CIITA: variants seen among roughly 807,000 people sequenced by gnomAD.
The protein encoded by CIITA is class II major histocompatibility complex transactivator, also known as MHC class II transactivator.
CIITA carries 72 observed loss-of-function variants against 115.1 expected under a neutral mutation model. The observed-to-expected ratio is 0.63, with a 90% CI of 0.52 to 0.76. The LOEUF (loss-of-function observed/expected upper bound fraction) is 0.76, where lower values mean the gene tolerates loss of function less well. Among genes scored for constraint, CIITA ranks in the 30% least tolerant of loss-of-function variants. CIITA has a pLI of 0.00. For missense variants in CIITA, 1,617 were observed against 1,463.8 expected, an observed-to-expected ratio of 1.10 and a Z score of -1.71; for synonymous variants, 763 against 635.6, an observed-to-expected ratio of 1.20 and a Z score of -3.02.
chr16:10,907,758 C>T lies in CIITA; in HGVS notation c.2266C>T (p.Arg756Cys), dbSNP rs745911038. 8.1e-6 allele frequency: 13 copies of T among 1,614,138 alleles called. No homozygotes were observed. Among genetic ancestry groups the T allele is most frequent in the African/African-American group, 1.3e-5 (1 of 74,950 alleles). ...TGACAACTGGCTGGAGGGCGTGCCACGCTTTCTGGCTGGGCTGATCTTCCA... is the reference window on the plus strand; with the variant it reads ...TGACAACTGGCTGGAGGGCGTGCCATGCTTTCTGGCTGGGCTGATCTTCCA... ...PYDNWLEGVPRFLAGLIFQPP... is the reference protein window; with the variant it reads ...PYDNWLEGVPCFLAGLIFQPP... The change falls in exon 11 of 20, where the codon CGC becomes TGC. Residue 756 changes from arginine (R) to cysteine (C), a missense_variant. Arg to Cys is a radical substitution (Grantham distance 180). Transcript: ENST00000324288. The surrounding 1 kb of genome is among the most constrained non-coding windows in gnomAD (Gnocchi z 5.0).
rs750837573 is a variant in CIITA at position 10,904,806 on chromosome 16, T to C, written c.1000T>C (p.Trp334Arg). The C allele has an allele frequency of 6.2e-7, 1 of 1,614,154 alleles. No individual in the cohort carries two copies. Among genetic ancestry groups the C allele is most frequent in the Non-Finnish European group, 8.5e-7 (1 of 1,179,994 alleles). Reference sequence around the variant, plus strand: ...AGAGGTCTCCAACAAGCTTCCAAAATGGCCTGGTGAGTGATGCGGGATCTC... The same window carrying C: ...AGAGGTCTCCAACAAGCTTCCAAAACGGCCTGGTGAGTGATGCGGGATCTC... ...AGEVSNKLPKWPEPVEQFYRS... is the reference protein window; with the variant it reads ...AGEVSNKLPKRPEPVEQFYRS... The change falls in exon 10 of 20, where the codon TGG (tryptophan) becomes CGG (arginine). Residue 334 changes from tryptophan (W) to arginine (R), a missense_variant. By Grantham distance (101) the Trp-to-Arg change is moderately radical (BLOSUM62 -3). Coordinates refer to ENST00000324288, the MANE Select transcript of CIITA (RefSeq NM_000246.4).
At position 10,901,593 on chromosome 16, in the gene CIITA, T is replaced by C. The variant is rs1371606031; in HGVS notation, c.481+35T>C. Reference sequence around the variant, plus strand: ...GCAGGTGGGCTGGGGTTGGGAAGGGTGGATGCCTTGGGGAGGGGATGGAAG... The same window carrying C: ...GCAGGTGGGCTGGGGTTGGGAAGGGCGGATGCCTTGGGGAGGGGATGGAAG... On this transcript the variant is annotated intron_variant, in intron 6 of 19. Transcript: ENST00000324288. The surrounding 1 kb of genome is among the most constrained non-coding windows in gnomAD (Gnocchi z 6.8). 1 of 1,607,134 alleles carries C rather than the reference T, an allele frequency of 6.2e-7. No homozygotes were observed. Among genetic ancestry groups the C allele is most frequent in the East Asian group, 2.2e-5 (1 of 44,764 alleles).
At chr16:10,867,081 A>G (rs535074247) in intron 1 of CIITA, among the ~76,000 whole-genome samples, 61 of 152,258 alleles carry the variant, frequency 4.0e-4, no homozygotes, top group African/African-American at 1.4e-3. Context: ...TGTCTCTACT[A>G]AAAAATACAA....
At chr16:10,872,158 T>C (rs923783332) in intron 1 of CIITA, among the ~76,000 whole-genome samples, 2 of 152,098 alleles carry the variant, frequency 1.3e-5, no homozygotes, top group African/African-American at 4.8e-5. Flanking sequence ...AGTCTTGCTT[T>C]GTAGCCCAGG....
Position 10,909,090 on chromosome 16 carries a change from C to T in CIITA, c.2719C>T (p.Leu907=), listed in dbSNP as rs1425727400. Residue 907 remains leucine (L), a synonymous_variant, in exon 12 of 20, where the codon CTA becomes TTA. Transcript: ENST00000324288. Reference sequence around the variant, plus strand: ...CCTGCAGCAGCATGGGGAGACCAAGCTACTTCAGGCAGCAGAGGAGAAGTT... The same window carrying T: ...CCTGCAGCAGCATGGGGAGACCAAGTTACTTCAGGCAGCAGAGGAGAAGTT... ...ESLQQHGETK[L]LQAAEEKFTI... The T allele has an allele frequency of 3.1e-6, 5 of 1,614,152 alleles. No homozygotes were observed. The East Asian group carries it at 8.9e-5, about 29-fold the overall frequency.
At chr16:10,891,241 G>C (rs2037543763) in intron 1 of CIITA, among the ~76,000 whole-genome samples, 1 of 151,910 alleles carries the variant, frequency 6.6e-6, no homozygotes, top group Non-Finnish European at 1.5e-5. Flanking sequence ...ATTTTGACTG[G>C]GGGGAAAGAG....
Position 10,906,717 on chromosome 16 carries a change from C to T in CIITA, c.1225C>T (p.Arg409Trp), listed in dbSNP as rs137895901. The T allele has an allele frequency of 1.0e-4, 162 of 1,611,360 alleles. No homozygotes were observed. Among genetic ancestry groups the T allele is most frequent in the Admixed American group, 1.7e-4 (10 of 59,994 alleles). ...EVLLAAKEHR[R>W]PRETRVIAVL... ...GCTGTTGGCTGCCAAGGAGCACCGG[C>T]GGCCGCGTGAGACACGAGTGATTGC... Residue 409 changes from arginine (R) to tryptophan (W), a missense_variant, in exon 11 of 20, where the codon CGG becomes TGG. By Grantham distance (101) the Arg-to-Trp change is moderately radical. Transcript: ENST00000324288.
At chr16:10,922,938 A>G in intron 18 of CIITA, 1 of 531,768 alleles carries the variant, frequency 1.9e-6, no homozygotes. Context: ...TCTAAGACGC[A>G]CAGGGTGGGT....
intron 1 of CIITA, among the ~76,000 whole-genome samples, chr16:10,869,094 G>C (rs1485936109): frequency 4.6e-5 from 7 of 152,202 alleles, no homozygotes. Context: ...CATCCATGTG[G>C]GGTTTTTGTG....
At chr16:10,940,762 A>C (rs541270431), downstream of CIITA, 9 of 152,434 alleles carry the variant, frequency 5.9e-5, no homozygotes, top group East Asian at 1.7e-3. The surrounding 1 kb of genome is among the most constrained non-coding windows in gnomAD (Gnocchi z 4.2). Flanking sequence ...TGCTGGATGC[A>C]AAGCTCCCTC....
intron 3 of CIITA, among the ~76,000 whole-genome samples, chr16:10,898,203 A>C (rs541258238): frequency 6.6e-6 from 1 of 152,232 alleles, no homozygotes; most frequent in Admixed American, 6.5e-5. Flanking sequence ...CTATTTACTG[A>C]GTGCCTACTG....
At chr16:10,889,010 G>A (rs1227014736) in intron 1 of CIITA, among the ~76,000 whole-genome samples, 1 of 152,208 alleles carries the variant, frequency 6.6e-6, no homozygotes, top group Non-Finnish European at 1.5e-5. Context: ...ATGTCATTTG[G>A]TACCTGGCAC....
intron 7 of CIITA, among the ~76,000 whole-genome samples, 153 bp downstream of exon 7, chr16:10,902,337 G>C (rs949584076): frequency 6.6e-6 from 1 of 152,102 alleles, no homozygotes; most frequent in Non-Finnish European, 1.5e-5. Flanking sequence ...TTTATCCTTG[G>C]GGCCCCCGTC....
At chr16:10,912,833 G>A (rs957052358) in intron 13 of CIITA, among the ~76,000 whole-genome samples, 3 of 152,232 alleles carry the variant, frequency 2.0e-5, no homozygotes, top group Non-Finnish European at 4.4e-5. Context: ...GCCACCTGGA[G>A]ACCGGAAGCC....
chr16:10,887,204 G>A (rs965005683), intron 1 of CIITA, among the ~76,000 whole-genome samples: 1 of 152,126 alleles, frequency 6.6e-6, no homozygotes, highest in Admixed American at 6.5e-5. Context: ...TTTGGCCCCC[G>A]GAAGCAGCTT....
intron 1 of CIITA, among the ~76,000 whole-genome samples, chr16:10,891,338 G>A (rs937599728): frequency 1.3e-5 from 2 of 152,100 alleles, no homozygotes; most frequent in African/African-American, 2.4e-5. Flanking sequence ...TGCAAGTCAC[G>A]TCCTTCCCGG....
At chr16:10,910,424 C>A (rs944093229) in intron 13 of CIITA, among the ~76,000 whole-genome samples, 165 bp downstream of exon 13, 1 of 152,204 alleles carries the variant, frequency 6.6e-6, no homozygotes, top group Non-Finnish European at 1.5e-5. Flanking sequence ...CCAGTGTGGG[C>A]AAATGCTGGA....
rs546498273 is a variant in CIITA at position 10,915,614 on chromosome 16, G to A, written c.2933G>A (p.Arg978Gln). 26 of 1,614,108 alleles carry A rather than the reference G, an allele frequency of 1.6e-5. No individual in the cohort carries two copies. The highest frequency in any genetic ancestry group is 8.9e-5 in the East Asian group (4 of 44,876). Residue 978 changes from arginine to glutamine, a missense_variant, in exon 14 of 20, where the codon CGG becomes CAG. Physicochemically the swap from Arg to Gln is conservative, Grantham distance 43. Coordinates refer to ENST00000324288, the MANE Select transcript of CIITA (RefSeq NM_000246.4). ...CCCCAGGCTTTCCCCAAACTGGTGC[G>A]GATCCTCACGGCCTTTTCCTCCCTG... ...SGPQAFPKLVRILTAFSSLQH... is the reference protein window; with the variant it reads ...SGPQAFPKLVQILTAFSSLQH...
At chr16:10,867,323 T>TGGA in intron 1 of CIITA, among the ~76,000 whole-genome samples, 1 of 142,792 alleles carries the variant, frequency 7.0e-6, no homozygotes, top group East Asian at 2.1e-4. Flanking sequence ...CTGTGTGTGT[T>TGGA]GGGGGGGGGC....
Sources: gnomAD v4.1 joint callset for allele counts (sites outside exome capture counted in the v4.1 genomes callset) on GRCh38, gnomAD v4.1.1 for gene constraint, Gnocchi (gnomAD v3.1) non-coding constraint, MANE v1.5 for transcripts, NCBI Gene and HGNC (gene_info 2026-07-23, HGNC 2026-07-21) for gene names.